Variants in GULP1 observed in about 807,000 individuals in gnomAD.
GULP1 encodes the protein GULP PTB domain containing engulfment adaptor 1.
Under a neutral mutation model 40.9 loss-of-function variants are expected in GULP1, and 19 were observed. That is an observed-to-expected ratio of 0.46 (90% confidence interval 0.32 to 0.68). GULP1 has a LOEUF of 0.68. Among genes scored for constraint, GULP1 ranks in the 30% least tolerant of loss-of-function variants. The probability of loss-of-function intolerance (pLI) is 0.03; values close to 1 mark genes in which losing one functional copy is unlikely to be tolerated. For missense variants in GULP1, 312 were observed against 362.2 expected, an observed-to-expected ratio of 0.86 and a Z score of 1.12; for synonymous variants, 119 against 117.6, an observed-to-expected ratio of 1.01 and a Z score of -0.08.
intron 2 of GULP1, among the ~76,000 whole-genome samples, chr2:188,447,322 G>T (rs1258726726): frequency 6.6e-6 from 1 of 152,100 alleles, no homozygotes; most frequent in Non-Finnish European, 1.5e-5. Context: ...GGTATAATGA[G>T]GCATGTCCAT....
chr2:188,463,674 A>T (rs953156673), intron 2 of GULP1, among the ~76,000 whole-genome samples: 1 of 150,810 alleles, frequency 6.6e-6, no homozygotes, highest in South Asian at 2.1e-4. Context: ...CTGTCCATGC[A>T]CTTCATTGTT....
intron 4 of GULP1, among the ~76,000 whole-genome samples, chr2:188,508,183 G>A (rs1266930755): frequency 6.6e-6 from 1 of 151,608 alleles, no homozygotes; most frequent in African/African-American, 2.4e-5. Context: ...CATACAGTAG[G>A]GTTCGAACAA....
At position 188,411,124 on chromosome 2, in the gene GULP1, G is replaced by A. The variant is rs188914333; in HGVS notation, c.-45+27235G>A. On this transcript the variant is annotated intron_variant, in intron 2 of 11. Transcript: ENST00000409830. ...TAAATGTGAGCTTCACTGGCTGATCGGGGCATGGCTGTGACTCTTTACAGC... is the reference window on the plus strand; with the variant it reads ...TAAATGTGAGCTTCACTGGCTGATCAGGGCATGGCTGTGACTCTTTACAGC... Among the ~76,000 whole-genome samples, 7 of 150,878 alleles carry A rather than the reference G, an allele frequency of 4.6e-5. No individual in the cohort carries two copies. In the South Asian group the frequency reaches 1.0e-3, roughly 22 times the overall value.
chr2:188,574,678 C>T (rs1169125557), intron 9 of GULP1, among the ~76,000 whole-genome samples: 2 of 151,884 alleles, frequency 1.3e-5, no homozygotes, highest in African/African-American at 4.8e-5. Flanking sequence ...ACAACAACAA[C>T]AAAACTTGGC....
chr2:188,540,652 T>G (rs1169786682), intron 6 of GULP1, among the ~76,000 whole-genome samples: 1 of 152,080 alleles, frequency 6.6e-6, no homozygotes, highest in East Asian at 1.9e-4. Flanking sequence ...ACCATGAAAT[T>G]ATATAAAATA....
chr2:188,542,120 A>C (rs1374516435), intron 7 of GULP1: 2 of 152,120 alleles, frequency 1.3e-5, no homozygotes, highest in Non-Finnish European at 2.9e-5. Flanking sequence ...GAAAAAAAAA[A>C]AACAACTTAA....
intron 2 of GULP1, among the ~76,000 whole-genome samples, chr2:188,401,997 C>G (rs538369084): frequency 6.6e-6 from 1 of 152,100 alleles, no homozygotes; most frequent in Non-Finnish European, 1.5e-5. Flanking sequence ...TACATATCCA[C>G]GGGTTGTGCC....
At chr2:188,329,074 G>A (rs67775003) in intron 1 of GULP1, among the ~76,000 whole-genome samples, 13,947 of 151,310 alleles carry the variant, frequency 0.092, 1,068 homozygotes, top group African/African-American at 0.2. Context: ...TTTCACAGGT[G>A]GTCTCAGGCT....
At chr2:188,411,665 C>G (rs2053905605) in intron 2 of GULP1, among the ~76,000 whole-genome samples, 1 of 152,178 alleles carries the variant, frequency 6.6e-6, no homozygotes, top group Non-Finnish European at 1.5e-5. Context: ...TACCTCTTCC[C>G]CAAATGTCCT....
chr2:188,566,391 G>A (rs1441872894), intron 7 of GULP1, among the ~76,000 whole-genome samples: 1 of 152,026 alleles, frequency 6.6e-6, no homozygotes, highest in Non-Finnish European at 1.5e-5. Context: ...ATTATAAAAT[G>A]AGAACATGGT....
chr2:188,541,526 A>G, intron 7 of GULP1: 2 of 622,030 alleles, frequency 3.2e-6, no homozygotes, highest in Admixed American at 2.7e-5. Context: ...TCTCATGGTC[A>G]TGAGCATAAA....
At chr2:188,327,581 G>A (rs558420073) in intron 1 of GULP1, among the ~76,000 whole-genome samples, 44 of 152,170 alleles carry the variant, frequency 2.9e-4, no homozygotes, top group Non-Finnish European at 5.0e-4. Flanking sequence ...CCAAGACCCT[G>A]CATCTTATTC....
intron 1 of GULP1, among the ~76,000 whole-genome samples, chr2:188,304,608 G>A (rs1429323412): frequency 6.6e-6 from 1 of 152,152 alleles, no homozygotes; most frequent in Non-Finnish European, 1.5e-5. Flanking sequence ...CTTTGTAGCT[G>A]TCTTTACAAG....
intron 2 of GULP1, among the ~76,000 whole-genome samples, chr2:188,399,141 G>A (rs2051724380): frequency 6.6e-6 from 1 of 152,144 alleles, no homozygotes; most frequent in Non-Finnish European, 1.5e-5. Context: ...AGTTCTGTCT[G>A]TTTAAACAAA....
At chr2:188,396,079 A>G (rs772859386) in intron 2 of GULP1, among the ~76,000 whole-genome samples, 1 of 152,184 alleles carries the variant, frequency 6.6e-6, no homozygotes, top group Non-Finnish European at 1.5e-5. Context: ...TGCAGATGCT[A>G]TAATGGACTG....
intron 4 of GULP1, among the ~76,000 whole-genome samples, chr2:188,505,918 C>T (rs1334473085): frequency 1.3e-5 from 2 of 151,686 alleles, no homozygotes; most frequent in Admixed American, 1.3e-4. Flanking sequence ...TCTTTTTTAC[C>T]TCATAGTTGA....
chr2:188,424,768 T>C (rs2055936246), intron 2 of GULP1, among the ~76,000 whole-genome samples: 1 of 151,964 alleles, frequency 6.6e-6, no homozygotes, highest in African/African-American at 2.4e-5. Context: ...CCATAATTTT[T>C]TTCTCTCTGT....
At chr2:188,362,832 GCA>G (rs2046274060) in intron 1 of GULP1, among the ~76,000 whole-genome samples, 1 of 151,974 alleles carries the variant, frequency 6.6e-6, no homozygotes. Context: ...TCCTTTCAAT[GCA>G]CACAGTGGCT....
intron 1 of GULP1, among the ~76,000 whole-genome samples, chr2:188,329,277 T>A (rs2041216748): frequency 6.6e-6 from 1 of 152,166 alleles, no homozygotes; most frequent in African/African-American, 2.4e-5. Context: ...TCTTGTACCC[T>A]TGTAAACAGT....
Sources: gnomAD v4.1 joint callset for allele counts (sites outside exome capture counted in the v4.1 genomes callset) on GRCh38, gnomAD v4.1.1 for gene constraint, MANE v1.5 for transcripts, NCBI Gene and HGNC (gene_info 2026-07-23, HGNC 2026-07-21) for gene names.